Variants in PRDM16 observed in about 807,000 individuals in gnomAD.
PRDM16 encodes PR/SET domain 16.
PRDM16 carries 23 observed loss-of-function variants against 110.6 expected under a neutral mutation model. That is an observed-to-expected ratio of 0.21 (90% CI 0.15 to 0.29). The LOEUF is 0.29. PRDM16 is among the 10% of genes least tolerant of loss of function. PRDM16 has a pLI of 1.00. For missense variants in PRDM16, 1,615 were observed against 1,794.3 expected (o/e 0.90, Z 1.81); for synonymous variants, 799 against 781.8 (o/e 1.02, Z -0.37).
intron 3 of PRDM16, among the ~76,000 whole-genome samples, chr1:3,351,267 A>C (rs1642476385): frequency 6.6e-6 from 1 of 152,036 alleles, no homozygotes; most frequent in Non-Finnish European, 1.5e-5. Flanking sequence ...CTCCAGGTGG[A>C]AAAGACTCTG....
intron 1 of PRDM16, among the ~76,000 whole-genome samples, chr1:3,135,246 C>T (rs1643412965): frequency 6.6e-6 from 1 of 152,204 alleles, no homozygotes; most frequent in African/African-American, 2.4e-5. Flanking sequence ...TCGGGCTGGA[C>T]TGGCCATGGT....
intron 3 of PRDM16, among the ~76,000 whole-genome samples, chr1:3,365,954 G>GCACACATGCACACACACACGCACA (rs1424626354): frequency 1.3e-5 from 2 of 150,334 alleles, no homozygotes; most frequent in African/African-American, 4.9e-5. Context: ...GCACACGCAT[G>GCACACATGCACACACACACGCACA]CACACATGCA....
intron 3 of PRDM16, among the ~76,000 whole-genome samples, chr1:3,312,631 C>T (rs1641490530): frequency 6.6e-6 from 1 of 152,202 alleles, no homozygotes; most frequent in African/African-American, 2.4e-5. Context: ...GGAAAGGGAC[C>T]GTGCACCCTC....
intron 3 of PRDM16, among the ~76,000 whole-genome samples, chr1:3,302,794 G>A (rs892417632): frequency 1.3e-5 from 2 of 152,202 alleles, no homozygotes; most frequent in Non-Finnish European, 2.9e-5. Flanking sequence ...TGGTCACAGT[G>A]CGAGAGCTGA....
intron 1 of PRDM16, among the ~76,000 whole-genome samples, chr1:3,076,535 G>A (rs2100565488): frequency 6.6e-6 from 1 of 152,320 alleles, no homozygotes; most frequent in Admixed American, 6.5e-5. Flanking sequence ...CTCAGCCTCT[G>A]TCTGCTCTCA....
intron 3 of PRDM16, among the ~76,000 whole-genome samples, chr1:3,259,274 C>T (rs1640112809): frequency 6.6e-6 from 1 of 152,222 alleles, no homozygotes. Flanking sequence ...CCAGGGATTC[C>T]CTCCAGGGGC....
At chr1:3,152,954 A>G (rs1039201308) in intron 1 of PRDM16, among the ~76,000 whole-genome samples, 1 of 152,218 alleles carries the variant, frequency 6.6e-6, no homozygotes, top group Non-Finnish European at 1.5e-5. Context: ...CAGGAGAACA[A>G]ACTAACAGGG....
At chr1:3,127,390 G>A (rs1008924558) in intron 1 of PRDM16, among the ~76,000 whole-genome samples, 18 of 152,200 alleles carry the variant, frequency 1.2e-4, no homozygotes, top group African/African-American at 2.7e-4. Context: ...CGATGCCCTC[G>A]TGAGATAGAT....
rs1421739650 is a variant in PRDM16 at position 3,350,048 on chromosome 1, A to G, written c.439-35104A>G. ...GAGGGGGGAAGAGGACAGGGCAGAA[A>G]AGACCTGGGGCCAGGTGCAGTGGCC... On this transcript the variant is annotated intron_variant, in intron 3 of 16. Transcript: ENST00000270722. The surrounding 1 kb of genome is among the most constrained non-coding windows in gnomAD (Gnocchi z 7.1). Among the ~76,000 whole-genome samples the G allele has an allele frequency of 6.6e-6, 1 of 152,190 alleles. No homozygotes were observed. The highest frequency in any genetic ancestry group is 1.5e-5 in the Non-Finnish European group (1 of 68,034).
At chr1:3,153,624 A>G (rs1643814159) in intron 1 of PRDM16, among the ~76,000 whole-genome samples, 5 of 152,238 alleles carry the variant, frequency 3.3e-5, no homozygotes, top group Admixed American at 3.3e-4. Flanking sequence ...AGTTGGTCCC[A>G]GAGAGCCCCG....
intron 2 of PRDM16, among the ~76,000 whole-genome samples, chr1:3,205,582 A>T (rs546341633): frequency 2.1e-4 from 32 of 152,378 alleles, no homozygotes; most frequent in African/African-American, 6.7e-4. Context: ...TGCTGTGCTC[A>T]GTAAATATTT....
At chr1:3,262,545 C>G (rs973191478) in intron 3 of PRDM16, among the ~76,000 whole-genome samples, 1 of 152,240 alleles carries the variant, frequency 6.6e-6, no homozygotes, top group Non-Finnish European at 1.5e-5. Context: ...CCCATCTCCT[C>G]CTGGTTGCAG....
In PRDM16 at chr1:3,136,272, C is replaced by T. The variant is rs369388104; in HGVS notation, c.38-49853C>T. ...CCTGCACTTCCCAGCTGGCCAGCCC[C>T]GCGCGATGCTCCGGGGTCTCGGCGA... On this transcript the variant is annotated intron_variant, in intron 1 of 16. Transcript: ENST00000270722. Among the ~76,000 whole-genome samples the T allele has an allele frequency of 3.9e-5, 6 of 152,334 alleles. 1 individual carries two copies. Among genetic ancestry groups the T allele is most frequent in the South Asian group, 2.1e-4 (1 of 4,832 alleles).
At chr1:3,129,057 T>G (rs1336097825) in intron 1 of PRDM16, among the ~76,000 whole-genome samples, 1 of 152,048 alleles carries the variant, frequency 6.6e-6, no homozygotes, top group African/African-American at 2.4e-5. Flanking sequence ...TGCATGTGTG[T>G]GTGGGGGGTT....
At chr1:3,112,878 G>A (rs1009034944) in intron 1 of PRDM16, among the ~76,000 whole-genome samples, 1 of 152,388 alleles carries the variant, frequency 6.6e-6, no homozygotes, top group South Asian at 2.1e-4. Context: ...ATCCTCCTGT[G>A]GAACGGGGTC....
intron 3 of PRDM16, among the ~76,000 whole-genome samples, chr1:3,304,087 T>G (rs1641261489): frequency 7.2e-6 from 1 of 138,914 alleles, no homozygotes; most frequent in Non-Finnish European, 1.5e-5. Flanking sequence ...CTTTAATCCT[T>G]GGGGACAGTG....
chr1:3,389,375 CCCCATGGGAATCGGACCGT>C (rs1489652466), intron 4 of PRDM16, among the ~76,000 whole-genome samples: 2 of 152,226 alleles, frequency 1.3e-5, no homozygotes, highest in African/African-American at 2.4e-5. Flanking sequence ...CCATCTCAGG[CCCCATGGGAATCGGACCGT>C]CCTCTCCATG....
intron 1 of PRDM16, among the ~76,000 whole-genome samples, chr1:3,140,193 G>C (rs1313058043): frequency 6.6e-6 from 1 of 152,250 alleles, no homozygotes; most frequent in African/African-American, 2.4e-5. Flanking sequence ...GCAGCCCCCG[G>C]ATGGCCGTTG....
At chr1:3,178,675 T>C (rs1457037520) in intron 1 of PRDM16, among the ~76,000 whole-genome samples, 2 of 152,286 alleles carry the variant, frequency 1.3e-5, no homozygotes, top group East Asian at 3.9e-4. Context: ...CCCTTGTCAC[T>C]CAGCACTTCC....
Sources: allele counts gnomAD v4.1 joint callset (sites outside exome capture counted in the v4.1 genomes callset), GRCh38; gene constraint gnomAD v4.1.1; non-coding constraint Gnocchi (gnomAD v3.1); transcripts MANE v1.5; gene names NCBI Gene and HGNC (gene_info 2026-07-23, HGNC 2026-07-21).